AKTIP: variants seen among roughly 807,000 people sequenced by gnomAD.
AKTIP encodes AKT-interacting protein.
In AKTIP, 16 loss-of-function variants were observed where a neutral mutation model predicts 39.1. The ratio of observed to expected loss-of-function variants is 0.41; its 90% CI spans 0.28 to 0.62. The LOEUF (loss-of-function observed/expected upper bound fraction) is 0.62, where lower values mean the gene tolerates loss of function less well. Among genes scored for constraint, AKTIP ranks in the 20% least tolerant of loss-of-function variants. The probability of loss-of-function intolerance (pLI) is 0.32; values close to 1 mark genes in which losing one functional copy is unlikely to be tolerated. For missense variants in AKTIP, 262 were observed against 356.6 expected, an observed-to-expected ratio of 0.73 and a Z score of 2.14; for synonymous variants, 93 against 124.3, an observed-to-expected ratio of 0.75 and a Z score of 1.67.
chr16:53,495,253 T>C lies in AKTIP; in HGVS notation c.313+9A>G. The C allele has an allele frequency of 6.2e-7, 1 of 1,614,160 alleles. No individual in the cohort carries two copies. Among genetic ancestry groups the C allele is most frequent in the Non-Finnish European group, 8.5e-7 (1 of 1,179,976 alleles). The stretch of plus-strand genomic sequence containing the variant: ...GTGCCCATAAATTAAGAGTGAATCC[T>C]CATCTTACTTAATGCAGAGCGATAA... On this transcript the variant is annotated intron_variant, in intron 4 of 9. Transcript: ENST00000394657.
chr16:53,497,667 C>T (rs895650833), intron 3 of AKTIP, among the ~76,000 whole-genome samples: 1 of 152,218 alleles, frequency 6.6e-6, no homozygotes. Flanking sequence ...AGCCACTCTC[C>T]CACTGTCCTA....
upstream of AKTIP, among the ~76,000 whole-genome samples, chr16:53,503,976 T>C (rs1448287464): frequency 7.2e-6 from 1 of 138,644 alleles, no homozygotes; most frequent in Non-Finnish European, 1.6e-5. Flanking sequence ...GGCCGGGGGC[T>C]GGGGGGAGGG....
chr16:53,492,603 G>A, intron 9 of AKTIP, 84 bp from the exon 10 acceptor site: 2 of 1,600,058 alleles, frequency 1.2e-6, no homozygotes, highest in South Asian at 2.2e-5. Context: ...CCCAAAAAAA[G>A]TTACTTGTAT....
chr16:53,493,980 G>A lies in AKTIP; in HGVS notation c.710+158C>T, dbSNP rs1489532590. 1.2e-5 allele frequency: 7 copies of A among 600,100 alleles called. No individual in the cohort carries two copies. The Admixed American group carries it at 1.8e-4, about 15-fold the overall frequency. 37.2% of individuals were successfully genotyped at this position (600,100 alleles called of 1,614,324 possible). On this transcript the variant is annotated intron_variant, in intron 8 of 9. Transcript: ENST00000394657. ...TTTTTGTTTAAGAGAAGAGCCTCAAGAGGCATCAGAAATCGAGTTGGCACC... is the reference window on the plus strand; with the variant it reads ...TTTTTGTTTAAGAGAAGAGCCTCAAAAGGCATCAGAAATCGAGTTGGCACC...
At chr16:53,503,718 C>T (rs1962325066), upstream of AKTIP, among the ~76,000 whole-genome samples, 1 of 152,204 alleles carries the variant, frequency 6.6e-6, no homozygotes, top group African/African-American at 2.4e-5. Context: ...CAGTGGCTCC[C>T]ATCGCTAGGT....
chr16:53,492,771 T>C lies in AKTIP; in HGVS notation c.711-18A>G. On this transcript the variant is annotated intron_variant, in intron 8 of 9. Transcript: ENST00000394657. Reference sequence around the variant, plus strand: ...GAGAAAAGCTTAAGGAAGAGAAAAGTATTTAAAAACTATTTGTTGGCTCAC... The same window carrying C: ...GAGAAAAGCTTAAGGAAGAGAAAAGCATTTAAAAACTATTTGTTGGCTCAC... 6.2e-7 allele frequency: 1 copy of C among 1,610,080 alleles called. No homozygotes were observed. The highest frequency in any genetic ancestry group is 8.5e-7 in the Non-Finnish European group (1 of 1,177,546).
chr16:53,500,450 T>C (rs1962102360), intron 1 of AKTIP, 121 bp from the exon 2 acceptor site: 1 of 477,954 alleles, frequency 2.1e-6, no homozygotes, highest in Non-Finnish European at 3.5e-6. Context: ...TGATCTCGGC[T>C]CACTGCAACC....
Position 53,498,548 on chromosome 16 carries a change from G to T in AKTIP, c.91C>A (p.Pro31Thr). ...TGTTTCTTTGGTGCAGTTCGTGGAGGACTGGTTTTCACGTCCCCTGTTAAT... is the reference window on the plus strand; with the variant it reads ...TGTTTCTTTGGTGCAGTTCGTGGAGTACTGGTTTTCACGTCCCCTGTTAAT... ...KTLTGDVKTS[P>T]PRTAPKKQLP... The change falls in exon 3 of 10, where the codon CCT (proline) becomes ACT (threonine). Residue 31 changes from proline (P) to threonine (T), a missense_variant. This residue lies in a region of AKTIP where 88 missense variants were observed against 132.1 expected (regional missense o/e 0.67). Coordinates refer to ENST00000394657, the MANE Select transcript of AKTIP (RefSeq NM_022476.4). 1 of 1,614,132 alleles carries T rather than the reference G, an allele frequency of 6.2e-7. No homozygotes were observed. Among genetic ancestry groups the T allele is most frequent in the Non-Finnish European group, 8.5e-7 (1 of 1,179,980 alleles).
At chr16:53,492,661 G>A (rs1961560851) in intron 9 of AKTIP, 32 bp downstream of exon 9, 1 of 1,608,798 alleles carries the variant, frequency 6.2e-7, no homozygotes, top group East Asian at 2.2e-5. Flanking sequence ...GAAACAATGA[G>A]TTAGCCATTT....
Position 53,498,512 on chromosome 16 carries a change from T to C in AKTIP, c.127A>G (p.Ile43Val). 1.2e-6 allele frequency: 2 copies of C among 1,614,076 alleles called. No homozygotes were observed. The highest frequency in any genetic ancestry group is 1.7e-6 in the Non-Finnish European group (2 of 1,179,912). Residue 43 changes from isoleucine to valine, a missense_variant, in exon 3 of 10, where the codon ATT becomes GTT. By Grantham distance (29) the Ile-to-Val change is conservative. Around this residue, in one of 4 missense-constraint regions of AKTIP, gnomAD observed 88 missense variants for 132.1 expected, o/e 0.67. Transcript: ENST00000394657. Reference sequence around the variant, plus strand: ...GTTATGGGCAAAGCATTTTTGGGAATAGAAGGCAGCTGTTTCTTTGGTGCA... The same window carrying C: ...GTTATGGGCAAAGCATTTTTGGGAACAGAAGGCAGCTGTTTCTTTGGTGCA... ...RTAPKKQLPS[I>V]PKNALPITKP...
At chr16:53,493,457 C>T (rs1961623227) in intron 8 of AKTIP, 1 of 153,132 alleles carries the variant, frequency 6.5e-6, no homozygotes, top group South Asian at 2.1e-4. Context: ...CAAGTGTGAG[C>T]CACTGCACCT....
chr16:53,492,861 T>A (rs1295422405), intron 8 of AKTIP, 108 bp from the exon 9 acceptor site: 1 of 880,900 alleles, frequency 1.1e-6, no homozygotes. Context: ...AAGCACAGTA[T>A]TTTTTATTGT....
rs1269910372 is a variant in AKTIP at position 53,498,390 on chromosome 16, C to T, written c.248+1G>A. The T allele has an allele frequency of 6.2e-7, 1 of 1,613,796 alleles. No homozygotes were observed. The highest frequency in any genetic ancestry group is 8.5e-7 in the Non-Finnish European group (1 of 1,179,722). On this transcript the variant is annotated splice_donor_variant, in intron 3 of 9. Coordinates refer to ENST00000394657, the MANE Select transcript of AKTIP (RefSeq NM_022476.4). LOFTEE classifies it high-confidence loss of function. ...AACCAAATAGTTTGTTAAGGACTTA[C>T]AATTCTGCAAGAAGAGAGTATTCCA... is the stretch of plus-strand genomic sequence containing the variant.
At chr16:53,497,402 CT>C (rs1961903513) in intron 3 of AKTIP, among the ~76,000 whole-genome samples, 1 of 152,228 alleles carries the variant, frequency 6.6e-6, no homozygotes, top group Admixed American at 6.5e-5. Context: ...TAAGTCCTGC[CT>C]TTGGGGGTCA....
intron 3 of AKTIP, among the ~76,000 whole-genome samples, chr16:53,496,323 A>G (rs1266841045): frequency 5.3e-5 from 8 of 152,048 alleles, no homozygotes; most frequent in East Asian, 1.9e-4. Flanking sequence ...AATCACCCCA[A>G]TAGACGCCTG....
intron 3 of AKTIP, 30 bp downstream of exon 3, chr16:53,498,361 A>G: frequency 6.2e-7 from 1 of 1,607,708 alleles, no homozygotes; most frequent in South Asian, 1.1e-5. Flanking sequence ...ATCATTCCTA[A>G]TTTAACCAAA....
chr16:53,494,998 A>T (rs772653467), intron 5 of AKTIP, 75 bp downstream of exon 5: 25 of 1,334,026 alleles, frequency 1.9e-5, no homozygotes, highest in Non-Finnish European at 2.1e-5. Context: ...TCAGGAAAAG[A>T]ACCAGGAAAG....
Position 53,495,090 on chromosome 16 carries a change from G to C in AKTIP, c.397C>G (p.Pro133Ala), listed in dbSNP as rs1405384807. Residue 133 changes from proline (P) to alanine (A), a missense_variant, in exon 5 of 10, where the codon CCA (proline) becomes GCA (alanine). Pro to Ala is a conservative substitution (Grantham distance 27). Around this residue, in one of 4 missense-constraint regions of AKTIP, gnomAD observed 25 missense variants for 38.4 expected, o/e 0.65. Coordinates refer to ENST00000394657, the MANE Select transcript of AKTIP (RefSeq NM_022476.4). ...KFTVYIPDNY[P>A]DGDCPRLVFD... The stretch of plus-strand genomic sequence containing the variant: ...CAACTTACTGGACAGTCACCATCTG[G>C]ATAGTTATCAGGGATGTAAACTGTA... The C allele has an allele frequency of 6.2e-7, 1 of 1,613,936 alleles. No individual in the cohort carries two copies. The highest frequency in any genetic ancestry group is 2.2e-5 in the East Asian group (1 of 44,886).
At chr16:53,494,467 G>T in intron 6 of AKTIP, 30 bp from the exon 7 acceptor site, 1 of 1,613,560 alleles carries the variant, frequency 6.2e-7, no homozygotes, top group Non-Finnish European at 8.5e-7. Context: ...GATTACCGAG[G>T]CGTCCTCTTG....
Sources: allele counts gnomAD v4.1 joint callset (sites outside exome capture counted in the v4.1 genomes callset), GRCh38; gene constraint gnomAD v4.1.1; regional missense constraint gnomAD v4.1.1; transcripts MANE v1.5; gene names NCBI Gene and HGNC (gene_info 2026-07-23, HGNC 2026-07-21).